Variants in FOXP1 observed in about 807,000 individuals in gnomAD.
The protein encoded by FOXP1 is forkhead box P1, also known as forkhead box protein P1.
Under a neutral mutation model 98.2 loss-of-function variants are expected in FOXP1, and 15 were observed. That is an observed-to-expected ratio of 0.15 (90% CI 0.10 to 0.24). FOXP1 has a LOEUF of 0.24. Ranked by LOEUF, FOXP1 falls within the 10% of genes least tolerant of loss-of-function variation. FOXP1 has a pLI of 1.00. For missense variants in FOXP1, 633 were observed against 848.5 expected, an observed-to-expected ratio of 0.75 and a Z score of 3.15; for synonymous variants, 371 against 314.5, an observed-to-expected ratio of 1.18 and a Z score of -1.90.
intron 5 of FOXP1, among the ~76,000 whole-genome samples, chr3:71,290,375 T>G (rs2072615848): frequency 6.6e-6 from 1 of 152,230 alleles, no homozygotes; most frequent in Admixed American, 6.5e-5. Context: ...CCCATCAATT[T>G]CACTAGGAAA....
intron 6 of FOXP1, among the ~76,000 whole-genome samples, chr3:71,158,083 A>AAGGAAGGAAGAAGGAAGGAAGGAAG (rs1391195041): frequency 2.4e-5 from 1 of 42,110 alleles, no homozygotes; most frequent in Non-Finnish European, 4.3e-5. Context: ...GTAAGACGAA[A>AAGGAAGGAAGAAGGAAGGAAGGAAG]GAAGGAAGGA....
intron 6 of FOXP1, among the ~76,000 whole-genome samples, chr3:71,171,730 A>C (rs750687321): frequency 2.0e-4 from 31 of 152,218 alleles, no homozygotes; most frequent in African/African-American, 7.0e-4. Flanking sequence ...GGAGACACAG[A>C]CTGGAAAATG....
Position 70,955,855 on chromosome 3 carries a change from C to CACACACACAA in FOXP1, c.*3391_*3392insTTGTGTGTGT, listed in dbSNP as rs1159141190. The CACACACACAA allele has an allele frequency of 1.3e-5, 3 of 232,572 alleles. No individual in the cohort carries two copies. The highest frequency in any genetic ancestry group is 1.2e-4 in the East Asian group (2 of 16,570). 14.4% of individuals were successfully genotyped at this position (232,572 alleles called of 1,614,324 possible). ...GCGCACACACACACACACACACACA[C>CACACACACAA]AAAACCTGTACAAAATGCTCCAATC... On this transcript the variant is annotated 3_prime_UTR_variant, in exon 21 of 21. Transcript: ENST00000649528.
At chr3:71,416,924 C>T (rs372298338) in intron 3 of FOXP1, among the ~76,000 whole-genome samples, 2 of 151,916 alleles carry the variant, frequency 1.3e-5, no homozygotes, top group African/African-American at 2.4e-5. Context: ...GAAGGGACCT[C>T]GGCCTGGTAA....
intron 3 of FOXP1, among the ~76,000 whole-genome samples, chr3:71,367,135 G>GA (rs1389121440): frequency 1.3e-5 from 2 of 152,154 alleles, no homozygotes; most frequent in Non-Finnish European, 2.9e-5. Context: ...TTGAAGCTGG[G>GA]ATGGTAAGCT....
chr3:71,561,458 TAG>T (rs2046531202), intron 2 of FOXP1, among the ~76,000 whole-genome samples: 1 of 147,486 alleles, frequency 6.8e-6, no homozygotes, highest in South Asian at 2.2e-4. Flanking sequence ...CCAAGGTCCC[TAG>T]TCACCACGAC....
chr3:71,326,407 C>T (rs191991668), intron 4 of FOXP1, among the ~76,000 whole-genome samples: 1 of 152,122 alleles, frequency 6.6e-6, no homozygotes, highest in South Asian at 2.1e-4. Context: ...CGTAATAAAG[C>T]TCCCAATGAT....
intron 5 of FOXP1, among the ~76,000 whole-genome samples, chr3:71,218,769 A>G (rs2065134294): frequency 6.6e-6 from 1 of 152,206 alleles, no homozygotes; most frequent in South Asian, 2.1e-4. Context: ...GATTCAGCGC[A>G]TAGAACTGTA....
At chr3:71,361,355 T>C (rs1322881081) in intron 3 of FOXP1, among the ~76,000 whole-genome samples, 1 of 152,126 alleles carries the variant, frequency 6.6e-6, no homozygotes, top group Admixed American at 6.5e-5. Flanking sequence ...CCCCATGAGT[T>C]TGGACTCTTA....
intron 3 of FOXP1, among the ~76,000 whole-genome samples, chr3:71,438,709 T>G (rs1370649305): frequency 6.6e-6 from 1 of 150,668 alleles, no homozygotes; most frequent in Non-Finnish European, 1.5e-5. Context: ...AATAGAATTA[T>G]ATAGATTTAG....
chr3:71,369,322 G>A (rs562871224), intron 3 of FOXP1, among the ~76,000 whole-genome samples: 4 of 152,122 alleles, frequency 2.6e-5, no homozygotes, highest in African/African-American at 4.8e-5. Context: ...TCTGGGATGC[G>A]GAGGCTGCAG....
chr3:71,582,316 G>T, intron 1 of FOXP1: 1 of 971,574 alleles, frequency 1.0e-6, no homozygotes. Context: ...GGCGAGGGAA[G>T]GCGGAGGCAG....
At chr3:71,543,465 C>T (rs1211117438) in intron 2 of FOXP1, 1 of 152,524 alleles carries the variant, frequency 6.6e-6, no homozygotes, top group African/African-American at 2.4e-5. Flanking sequence ...CACAGTGGCT[C>T]TGTGTCCTCC....
At chr3:70,996,511 T>C (rs1254232741) in intron 13 of FOXP1, among the ~76,000 whole-genome samples, 3 of 152,152 alleles carry the variant, frequency 2.0e-5, no homozygotes, top group African/African-American at 7.2e-5. Context: ...TGGCTAACAG[T>C]AGTTATTTTG....
intron 6 of FOXP1, among the ~76,000 whole-genome samples, chr3:71,126,855 GAAA>G (rs757099344): frequency 4.3e-4 from 45 of 103,806 alleles, no homozygotes; most frequent in Admixed American, 1.7e-3. Flanking sequence ...AAACCAAAAA[GAAA>G]AAAAAAAACA....
At chr3:71,445,749 G>T (rs574052668) in intron 3 of FOXP1, among the ~76,000 whole-genome samples, 1 of 149,832 alleles carries the variant, frequency 6.7e-6, no homozygotes, top group South Asian at 2.1e-4. Context: ...GTGCAGTGGC[G>T]CAATCTCAGC....
rs74879157 is a variant in FOXP1 at position 71,530,301 on chromosome 3, C to T, written c.-297-36746G>A. Among the ~76,000 whole-genome samples, 1,389 of 152,254 alleles carry T rather than the reference C, an allele frequency of 9.1e-3. 13 individuals carry two copies. Among genetic ancestry groups the T allele is most frequent in the African/African-American group, 0.03 (1,254 of 41,522 alleles). On this transcript the variant is annotated intron_variant, in intron 2 of 20. Coordinates refer to ENST00000649528, the MANE Select transcript of FOXP1 (RefSeq NM_001349338.3). ...ACTGAGAGTGGGATTGCTACAGAAG[C>T]AAGCTCAGCCCTCTTTTGCTCTCAT...
intron 4 of FOXP1, among the ~76,000 whole-genome samples, chr3:71,331,372 C>A (rs1733523): frequency 2.2e-4 from 34 of 151,512 alleles, no homozygotes; most frequent in East Asian, 3.9e-4. Flanking sequence ...AGCCTCCCCC[C>A]TCCCCACCCC....
At chr3:71,462,152 A>G (rs2088200192) in intron 3 of FOXP1, among the ~76,000 whole-genome samples, 1 of 152,192 alleles carries the variant, frequency 6.6e-6, no homozygotes, top group South Asian at 2.1e-4. Flanking sequence ...TAAAATCAGG[A>G]AACACTTCAC....
Sources: allele counts gnomAD v4.1 joint callset (sites outside exome capture counted in the v4.1 genomes callset), GRCh38; gene constraint gnomAD v4.1.1; transcripts MANE v1.5; gene names NCBI Gene and HGNC (gene_info 2026-07-23, HGNC 2026-07-21).